The following RYR3 variants were observed in gnomAD, a reference collection of about 807,000 sequenced individuals.
RYR3 encodes ryanodine receptor 3.
A neutral mutation model predicts 584.3 loss-of-function variants in RYR3; 207 were observed. The ratio of observed to expected loss-of-function variants is 0.35; its 90% CI spans 0.32 to 0.40. RYR3 has a LOEUF of 0.40. Among genes scored for constraint, RYR3 ranks in the 10% least tolerant of loss-of-function variants. The probability of loss-of-function intolerance (pLI) is 1.00; values close to 1 mark genes in which losing one functional copy is unlikely to be tolerated. For missense variants in RYR3, 5,616 were observed against 6,089.2 expected (o/e 0.92, Z 2.59); for synonymous variants, 2,416 against 2,248.5 (o/e 1.07, Z -2.11).
intron 1 of RYR3, among the ~76,000 whole-genome samples, chr15:33,454,638 A>G (rs969082926): frequency 5.5e-4 from 84 of 152,326 alleles, no homozygotes; most frequent in African/African-American, 1.9e-3. Context: ...TGCAGGGAGC[A>G]CTATGGATGC....
chr15:33,674,502 T>C (rs150225990), intron 38 of RYR3, among the ~76,000 whole-genome samples: 2 of 152,322 alleles, frequency 1.3e-5, no homozygotes, highest in East Asian at 1.9e-4. Context: ...CAGGTCTTAA[T>C]GCAGGGAACA....
Position 33,670,487 on chromosome 15 carries a change from G to C in RYR3, c.5791G>C (p.Val1931Leu). Residue 1931 changes from valine (V) to leucine (L), a missense_variant, in exon 38 of 104, where the codon GTT (valine) becomes CTT (leucine). Transcript: ENST00000634891. Reference protein sequence around the residue: ...TSWTGKLCALVYKIKGPPKPE... With the variant: ...TSWTGKLCALLYKIKGPPKPE... The stretch of plus-strand genomic sequence containing the variant: ...CTGGACAGGAAAACTCTGTGCCTTG[G>C]TTTACAAAATCAAAGGCCCACCCAA... The C allele has an allele frequency of 6.2e-7, 1 of 1,609,386 alleles. No homozygotes were observed. Among genetic ancestry groups the C allele is most frequent in the South Asian group, 1.1e-5 (1 of 89,856 alleles).
intron 18 of RYR3, among the ~76,000 whole-genome samples, chr15:33,612,520 C>G (rs1219307574): frequency 6.6e-6 from 1 of 152,156 alleles, no homozygotes; most frequent in African/African-American, 2.4e-5. Flanking sequence ...GCCACCACAC[C>G]CGGCTACTTT....
rs955493475 is a variant in RYR3, at chr15:33,546,765, C to T, written c.741-1365C>T. Among the ~76,000 whole-genome samples, 4 of 152,124 alleles carry T rather than the reference C, an allele frequency of 2.6e-5. No homozygotes were observed. In the South Asian group the frequency reaches 6.2e-4, roughly 24 times the overall value. ...ACCCAGGTCTGTCTTAACTTCCAAG[C>T]TCATATTTTGAATCGACTCATAATT... On this transcript the variant is annotated intron_variant, in intron 8 of 103. Transcript: ENST00000634891.
intron 1 of RYR3, among the ~76,000 whole-genome samples, chr15:33,439,252 G>A (rs1197942468): frequency 6.6e-6 from 1 of 152,112 alleles, no homozygotes; most frequent in African/African-American, 2.4e-5. Flanking sequence ...AAAAGAAATT[G>A]TATAGTTTTC....
intron 93 of RYR3, among the ~76,000 whole-genome samples, chr15:33,846,587 T>A (rs1483239289): frequency 6.6e-6 from 1 of 152,202 alleles, no homozygotes; most frequent in South Asian, 2.1e-4. Flanking sequence ...GGAAATACTT[T>A]CCTATATTGT....
At chr15:33,490,901 A>G (rs549859887) in intron 2 of RYR3, among the ~76,000 whole-genome samples, 18 of 152,178 alleles carry the variant, frequency 1.2e-4, no homozygotes, top group Non-Finnish European at 2.4e-4. Flanking sequence ...ATGCTTCTCC[A>G]TAAAGATAAG....
chr15:33,496,645 C>T (rs1392772733), intron 2 of RYR3, among the ~76,000 whole-genome samples: 3 of 151,918 alleles, frequency 2.0e-5, no homozygotes, highest in Non-Finnish European at 4.4e-5. Context: ...ACACACAATA[C>T]AAAAAATGGA....
At chr15:33,580,715 A>G (rs1259487985) in intron 13 of RYR3, among the ~76,000 whole-genome samples, 1 of 152,064 alleles carries the variant, frequency 6.6e-6, no homozygotes, top group Non-Finnish European at 1.5e-5. Context: ...AGACTCGGAG[A>G]TGTGATGATT....
At chr15:33,656,019 A>G (rs749690147) in intron 32 of RYR3, among the ~76,000 whole-genome samples, 2 of 152,222 alleles carry the variant, frequency 1.3e-5, no homozygotes, top group Non-Finnish European at 2.9e-5. Flanking sequence ...TCCACTTAAT[A>G]TAATCAGTGG....
chr15:33,458,795 G>A (rs1486731170), intron 1 of RYR3, among the ~76,000 whole-genome samples: 1 of 152,196 alleles, frequency 6.6e-6, no homozygotes, highest in Non-Finnish European at 1.5e-5. Flanking sequence ...TGTACCAAAT[G>A]AGGGACCTGC....
chr15:33,858,424 CT>C (rs1358268298), intron 99 of RYR3, among the ~76,000 whole-genome samples: 1 of 151,970 alleles, frequency 6.6e-6, no homozygotes. Context: ...TCAGGCTGGT[CT>C]CAAACTCCCG....
intron 1 of RYR3, among the ~76,000 whole-genome samples, chr15:33,448,854 G>T (rs899364852): frequency 6.6e-6 from 1 of 152,014 alleles, no homozygotes; most frequent in Non-Finnish European, 1.5e-5. Flanking sequence ...GTTGCCCCTT[G>T]CAGCTGATTG....
rs745947951 is a variant in RYR3, at chr15:33,390,329, A to G, written c.51+79233A>G. On this transcript the variant is annotated intron_variant, in intron 1 of 103. Transcript: ENST00000634891. The surrounding 1 kb of genome is among the most constrained non-coding windows in gnomAD (Gnocchi z 4.2). ...GGCCCACATGGGCCTCAGTACCAGT[A>G]TACCTGGGGGTCTCTAAATTTCACC... is the stretch of plus-strand genomic sequence containing the variant. Among the ~76,000 whole-genome samples the G allele has an allele frequency of 1.6e-4, 25 of 152,228 alleles. No homozygotes were observed. The highest frequency in any genetic ancestry group is 3.1e-4 in the Non-Finnish European group (21 of 68,038).
At chr15:33,847,768 C>G (rs77115075) in intron 93 of RYR3, among the ~76,000 whole-genome samples, 4,944 of 152,304 alleles carry the variant, frequency 0.032, 162 homozygotes, top group Non-Finnish European at 0.039. Flanking sequence ...AAGAAAACTT[C>G]ATACAGAAAG....
intron 1 of RYR3, among the ~76,000 whole-genome samples, chr15:33,367,192 A>C (rs1309513526): frequency 6.6e-6 from 1 of 152,230 alleles, no homozygotes; most frequent in Non-Finnish European, 1.5e-5. Flanking sequence ...CATGTAGTTT[A>C]TTACCAGATG....
chr15:33,464,503 T>TATATATACACAC lies in RYR3; in HGVS notation c.52-8915_52-8914insTATATACACACA, dbSNP rs1180164194. 1.3e-3 allele frequency among the ~76,000 whole-genome samples: 139 copies of TATATATACACAC among 105,908 alleles called. 4 individuals carry two copies. The highest frequency in any genetic ancestry group is 5.2e-3 in the Middle Eastern group (1 of 194). The allele number at this position is 105,908 out of a possible 152,430, so 69.5% of individuals were successfully genotyped here. ...ATATATATATATACACATATATATA[T>TATATATACACAC]ACATACACATACACATATATGTACA... is the stretch of plus-strand genomic sequence containing the variant. On this transcript the variant is annotated intron_variant, in intron 1 of 103. Transcript: ENST00000634891.
Position 33,803,085 on chromosome 15 carries a change from C to T in RYR3, c.10011+1124C>T, listed in dbSNP as rs140323379. 1.9e-3 allele frequency among the ~76,000 whole-genome samples: 291 copies of T among 152,306 alleles called. 3 individuals carry two copies. Among genetic ancestry groups the T allele is most frequent in the African/African-American group, 6.6e-3 (275 of 41,580 alleles). ...AAGCATAGCTAGCTCTAGTCAGCTG[C>T]GATCATTCTGAGCTTTCTGTTGCTT... is the stretch of plus-strand genomic sequence containing the variant. On this transcript the variant is annotated intron_variant, in intron 69 of 103. Transcript: ENST00000634891.
intron 76 of RYR3, among the ~76,000 whole-genome samples, chr15:33,818,980 G>A (rs775246799): frequency 3.9e-5 from 6 of 152,100 alleles, no homozygotes; most frequent in Non-Finnish European, 7.4e-5. Context: ...AAAATTAGCC[G>A]GGCATGGTGG....
Sources: allele counts gnomAD v4.1 joint callset (sites outside exome capture counted in the v4.1 genomes callset), GRCh38; gene constraint gnomAD v4.1.1; non-coding constraint Gnocchi (gnomAD v3.1); transcripts MANE v1.5; gene names NCBI Gene and HGNC (gene_info 2026-07-23, HGNC 2026-07-21).